PBX3: variants seen among roughly 807,000 people sequenced by gnomAD.
The protein encoded by PBX3 is PBX homeobox 3, also known as pre-B-cell leukemia transcription factor 3.
Under a neutral mutation model 48.5 loss-of-function variants are expected in PBX3, and 14 were observed. That is an observed-to-expected ratio of 0.29 (90% CI 0.19 to 0.45). The LOEUF (loss-of-function observed/expected upper bound fraction) is 0.45. Among genes scored for constraint, PBX3 ranks in the 20% least tolerant of loss-of-function variants. PBX3 has a pLI of 1.00. For synonymous variants in PBX3, 210 were observed against 200.3 expected (o/e 1.05, Z -0.41); for missense variants, 386 against 546.7 (o/e 0.71, Z 2.93).
chr9:125,887,043 A>G (rs1286696686), intron 2 of PBX3, among the ~76,000 whole-genome samples: 2 of 152,174 alleles, frequency 1.3e-5, no homozygotes, highest in Admixed American at 6.5e-5. Context: ...GTCACATATC[A>G]TGGAAGAATC....
chr9:125,815,020 C>T (rs866065069), intron 2 of PBX3, among the ~76,000 whole-genome samples: 4 of 152,104 alleles, frequency 2.6e-5, no homozygotes, highest in Non-Finnish European at 4.4e-5. Flanking sequence ...TTCCTTATTT[C>T]TCAGTTCCAT....
chr9:125,843,227 G>C (rs1588209869), intron 2 of PBX3, among the ~76,000 whole-genome samples: 2 of 152,208 alleles, frequency 1.3e-5, no homozygotes, highest in East Asian at 3.9e-4. Context: ...ACCCATAAGA[G>C]ACTGACATTC....
intron 2 of PBX3, among the ~76,000 whole-genome samples, chr9:125,813,561 T>C (rs912516621): frequency 6.6e-6 from 1 of 152,260 alleles, no homozygotes; most frequent in African/African-American, 2.4e-5. Flanking sequence ...CTCATTAATG[T>C]TGGAACCATT....
At chr9:125,895,733 A>C (rs958769996) in intron 2 of PBX3, among the ~76,000 whole-genome samples, 11 of 152,062 alleles carry the variant, frequency 7.2e-5, no homozygotes, top group African/African-American at 2.7e-4. Flanking sequence ...TTTTATTCAA[A>C]TGTTCATCAT....
In PBX3 at chr9:125,919,500, C is replaced by T. The variant is rs368194045; in HGVS notation, c.516+3573C>T. 2.1e-4 allele frequency among the ~76,000 whole-genome samples: 32 copies of T among 151,896 alleles called. No individual in the cohort carries two copies. The South Asian group carries it at 2.9e-3, about 14-fold the overall frequency. The stretch of plus-strand genomic sequence containing the variant: ...CCGGGATTACAGGTGTGAGCCACCG[C>T]GCCTGGCCAAAAACAACTATTTTAC... On this transcript the variant is annotated intron_variant, in intron 3 of 8. Coordinates refer to ENST00000373489, the MANE Select transcript of PBX3 (RefSeq NM_006195.6).
intron 2 of PBX3, 51 bp downstream of exon 2, chr9:125,748,674 G>C: frequency 7.1e-7 from 1 of 1,406,958 alleles, no homozygotes; most frequent in African/African-American, 1.4e-5. Flanking sequence ...GGTGGGGGTC[G>C]GAGCTACTCC....
chr9:125,906,179 T>G (rs1353784520), intron 2 of PBX3, among the ~76,000 whole-genome samples: 1 of 152,042 alleles, frequency 6.6e-6, no homozygotes, highest in African/African-American at 2.4e-5. Context: ...AGTTCATGTT[T>G]CCTATAATCA....
chr9:125,960,780 A>T lies in PBX3; in HGVS notation c.940A>T (p.Thr314Ser). The T allele has an allele frequency of 1.9e-6, 3 of 1,614,238 alleles. No individual in the cohort carries two copies. Among genetic ancestry groups the T allele is most frequent in the Non-Finnish European group, 2.5e-6 (3 of 1,180,022 alleles). The change falls in exon 6 of 9, where the codon ACA becomes TCA. Residue 314 changes from threonine to serine, a missense_variant. This residue lies in a region of PBX3 where 74 missense variants were observed against 206.1 expected (regional missense o/e 0.36). Coordinates refer to ENST00000373489, the MANE Select transcript of PBX3 (RefSeq NM_006195.6). ...ANLYAAKTAV[T>S]AAHAVAAAVQ... ...CCTCTATGCTGCAAAGACGGCCGTG[A>T]CAGCTGCACACGCAGTAGCAGCAGC...
intron 2 of PBX3, among the ~76,000 whole-genome samples, chr9:125,881,925 T>G (rs184487485): frequency 1.4e-3 from 220 of 151,980 alleles, no homozygotes; most frequent in South Asian, 2.5e-3. Flanking sequence ...GGTGCAGTGG[T>G]TTATGCCTAT....
chr9:125,960,872 C>G, intron 6 of PBX3, 23 bp downstream of exon 6: 1 of 1,606,772 alleles, frequency 6.2e-7, no homozygotes, highest in African/African-American at 1.3e-5. Flanking sequence ...GGCTCGCTCC[C>G]CAACTGGCCC....
chr9:125,951,349 G>A (rs1842192292), intron 5 of PBX3, among the ~76,000 whole-genome samples: 1 of 152,120 alleles, frequency 6.6e-6, no homozygotes, highest in Non-Finnish European at 1.5e-5. Context: ...TTCTGTGGTA[G>A]GAATTTTATT....
chr9:125,908,396 G>A (rs1272676583), intron 2 of PBX3, among the ~76,000 whole-genome samples: 1 of 152,062 alleles, frequency 6.6e-6, no homozygotes, highest in African/African-American at 2.4e-5. Flanking sequence ...TCATTCTTCA[G>A]GGAGAAAAGG....
At chr9:125,781,008 C>T (rs868518002) in intron 2 of PBX3, among the ~76,000 whole-genome samples, 1,027 of 82,950 alleles carry the variant, frequency 0.012, 19 homozygotes, top group African/African-American at 0.057. Flanking sequence ...GGATGGCGGC[C>T]GGGCAGAGAC....
At chr9:125,859,375 G>T (rs1349864246) in intron 2 of PBX3, among the ~76,000 whole-genome samples, 1 of 152,152 alleles carries the variant, frequency 6.6e-6, no homozygotes, top group Non-Finnish European at 1.5e-5. Flanking sequence ...GCTTCAGAGG[G>T]AAGGCAATGA....
chr9:125,864,806 A>G (rs1276188465), intron 2 of PBX3, among the ~76,000 whole-genome samples: 1 of 152,222 alleles, frequency 6.6e-6, no homozygotes, highest in East Asian at 1.9e-4. Context: ...CTGGTTTCCA[A>G]CAGGCCGTGA....
intron 2 of PBX3, among the ~76,000 whole-genome samples, chr9:125,860,607 T>C (rs1032837115): frequency 3.3e-5 from 5 of 152,154 alleles, no homozygotes; most frequent in Non-Finnish European, 1.5e-5. Flanking sequence ...ATGTTCACCA[T>C]TGGCCAGGTG....
chr9:125,781,624 C>T (rs572176290), intron 2 of PBX3, among the ~76,000 whole-genome samples: 21 of 151,716 alleles, frequency 1.4e-4, no homozygotes, highest in African/African-American at 5.1e-4. Context: ...GAGGCAGAAC[C>T]TGATCTTTTC....
At chr9:125,960,981 C>T in intron 6 of PBX3, 132 bp downstream of exon 6, 1 of 903,048 alleles carries the variant, frequency 1.1e-6, no homozygotes, top group Non-Finnish European at 1.6e-6. Context: ...TGTTCAAATG[C>T]AGGCTTGTTC....
chr9:125,754,535 G>A (rs185738969), intron 2 of PBX3, among the ~76,000 whole-genome samples: 2 of 152,054 alleles, frequency 1.3e-5, no homozygotes, highest in Non-Finnish European at 2.9e-5. Context: ...CAAATAATAA[G>A]TAATTCTTGA....
Sources: allele counts gnomAD v4.1 joint callset (sites outside exome capture counted in the v4.1 genomes callset), GRCh38; gene constraint gnomAD v4.1.1; regional missense constraint gnomAD v4.1.1; transcripts MANE v1.5; gene names NCBI Gene and HGNC (gene_info 2026-07-23, HGNC 2026-07-21).